TMEM131: variants seen among roughly 807,000 people sequenced by gnomAD.
TMEM131 encodes the protein 2610524E03Rik.
TMEM131 carries 66 observed loss-of-function variants against 211.6 expected under a neutral mutation model. That is an observed-to-expected ratio of 0.31 (90% CI 0.26 to 0.38). The LOEUF is 0.38. TMEM131 is among the 10% of genes least tolerant of loss of function. The pLI is 1.00. For synonymous variants in TMEM131, 844 were observed against 841.3 expected, an observed-to-expected ratio of 1.00 and a Z score of -0.06; for missense variants, 2,036 against 2,299.3, an observed-to-expected ratio of 0.89 and a Z score of 2.34.
chr2:97,772,537 C>G (rs751567038), intron 32 of TMEM131, 113 bp from the exon 33 acceptor site: 1 of 1,214,752 alleles, frequency 8.2e-7, no homozygotes, highest in Non-Finnish European at 1.1e-6. Flanking sequence ...ACATCATATA[C>G]GTAAAAACAA....
At chr2:97,787,115 A>G (rs1009748513) in intron 31 of TMEM131, among the ~76,000 whole-genome samples, 3 of 152,096 alleles carry the variant, frequency 2.0e-5, no homozygotes, top group Non-Finnish European at 2.9e-5. Flanking sequence ...ATGTGCTATG[A>G]TAATTTAAAC....
chr2:97,769,795 G>A (rs913273999), intron 33 of TMEM131, among the ~76,000 whole-genome samples: 1 of 152,322 alleles, frequency 6.6e-6, no homozygotes, highest in Admixed American at 6.5e-5. Flanking sequence ...CCATTCCTTG[G>A]CATCTCTGCC....
intron 12 of TMEM131, among the ~76,000 whole-genome samples, chr2:97,817,148 G>T (rs1014513566): frequency 6.6e-6 from 1 of 151,840 alleles, no homozygotes. Flanking sequence ...TAATGACATC[G>T]CATTTATCTC....
chr2:97,982,297 T>G (rs998089682), intron 1 of TMEM131, among the ~76,000 whole-genome samples: 1 of 152,230 alleles, frequency 6.6e-6, no homozygotes, highest in Non-Finnish European at 1.5e-5. Context: ...CATCTTTTCA[T>G]ACGTTTATTA....
At chr2:97,944,349 G>C (rs1677935216) in intron 1 of TMEM131, among the ~76,000 whole-genome samples, 2 of 152,150 alleles carry the variant, frequency 1.3e-5, no homozygotes, top group Non-Finnish European at 2.9e-5. Context: ...AAAGACCTCA[G>C]TGTAAGAGAT....
In TMEM131 at chr2:97,808,672, G is replaced by A. The variant is rs139825760; in HGVS notation, c.2055+1016C>T. On this transcript the variant is annotated intron_variant, in intron 19 of 40. Transcript: ENST00000186436. ...TAAGTGCCTGCTATTGGGAAGAAACGATCTCTCATCCGTTTCCTAGAGGAT... is the reference window on the plus strand; with the variant it reads ...TAAGTGCCTGCTATTGGGAAGAAACAATCTCTCATCCGTTTCCTAGAGGAT... 5.4e-3 allele frequency among the ~76,000 whole-genome samples: 828 copies of A among 152,222 alleles called. 5 individuals are homozygous for A. Among genetic ancestry groups the A allele is most frequent in the African/African-American group, 0.019 (769 of 41,546 alleles).
At chr2:97,896,599 C>T (rs1675621905) in intron 3 of TMEM131, among the ~76,000 whole-genome samples, 1 of 152,080 alleles carries the variant, frequency 6.6e-6, no homozygotes, top group African/African-American at 2.4e-5. Flanking sequence ...GCATTGATCC[C>T]TTTACCATTA....
chr2:97,805,972 T>G (rs1681277538), intron 19 of TMEM131, among the ~76,000 whole-genome samples: 1 of 152,228 alleles, frequency 6.6e-6, no homozygotes, highest in Non-Finnish European at 1.5e-5. Context: ...ACATTCACAC[T>G]TTCATGTTAA....
At chr2:97,922,449 A>AAAAC (rs1257141533) in intron 2 of TMEM131, among the ~76,000 whole-genome samples, 4 of 152,228 alleles carry the variant, frequency 2.6e-5, no homozygotes, top group Non-Finnish European at 5.9e-5. Flanking sequence ...CTTAACAGCA[A>AAAAC]AAAACAAGAA....
chr2:97,980,004 T>C (rs557777864), intron 1 of TMEM131, among the ~76,000 whole-genome samples: 1 of 152,300 alleles, frequency 6.6e-6, no homozygotes, highest in South Asian at 2.1e-4. Flanking sequence ...ATTTCAATAT[T>C]GTTGTCTCAG....
At chr2:97,988,155 G>A (rs2104669973) in intron 1 of TMEM131, among the ~76,000 whole-genome samples, 1 of 152,264 alleles carries the variant, frequency 6.6e-6, no homozygotes, top group African/African-American at 2.4e-5. Flanking sequence ...ATAAACCCTT[G>A]CATATATAGC....
chr2:97,922,527 T>G (rs1676786794), intron 2 of TMEM131, among the ~76,000 whole-genome samples: 2 of 152,186 alleles, frequency 1.3e-5, no homozygotes, highest in South Asian at 4.1e-4. Flanking sequence ...AATGCAACAC[T>G]ATTCAGCAAT....
intron 1 of TMEM131, among the ~76,000 whole-genome samples, chr2:97,986,874 T>A (rs1481512162): frequency 1.3e-5 from 2 of 152,258 alleles, no homozygotes; most frequent in African/African-American, 4.8e-5. Flanking sequence ...TAATAACTTT[T>A]GGAATGACAA....
intron 31 of TMEM131, among the ~76,000 whole-genome samples, chr2:97,787,823 C>T (rs1680322788): frequency 6.6e-6 from 1 of 152,114 alleles, no homozygotes; most frequent in Non-Finnish European, 1.5e-5. Context: ...CTCTGACATC[C>T]CATTTCCAAG....
intron 1 of TMEM131, among the ~76,000 whole-genome samples, chr2:97,968,697 G>A (rs1679163522): frequency 6.6e-6 from 1 of 152,170 alleles, no homozygotes; most frequent in African/African-American, 2.4e-5. Context: ...ACGAGACCTG[G>A]CAAGTTTCCT....
At chr2:97,896,250 T>C (rs544881343) in intron 3 of TMEM131, among the ~76,000 whole-genome samples, 2 of 152,330 alleles carry the variant, frequency 1.3e-5, no homozygotes, top group East Asian at 1.9e-4. Context: ...TTCTGTTATT[T>C]TGCATATGTT....
intron 35 of TMEM131, chr2:97,763,659 C>T (rs549961655): frequency 5.9e-5 from 9 of 152,698 alleles, no homozygotes; most frequent in African/African-American, 1.9e-4. Flanking sequence ...CCTCTGGCCT[C>T]GCTCCGCCCC....
intron 2 of TMEM131, among the ~76,000 whole-genome samples, chr2:97,910,336 T>C (rs1318430704): frequency 6.6e-6 from 1 of 152,050 alleles, no homozygotes; most frequent in Admixed American, 6.6e-5. Flanking sequence ...CCCAAAAAAA[T>C]TAAACATAGA....
intron 31 of TMEM131, among the ~76,000 whole-genome samples, chr2:97,780,978 C>A (rs1170159557): frequency 6.6e-6 from 1 of 152,156 alleles, no homozygotes; most frequent in Admixed American, 6.5e-5. Context: ...ACACCACTGC[C>A]CGGATGAAGC....
Sources: gnomAD v4.1 joint callset for allele counts (sites outside exome capture counted in the v4.1 genomes callset) on GRCh38, gnomAD v4.1.1 for gene constraint, MANE v1.5 for transcripts, NCBI Gene and HGNC (gene_info 2026-07-23, HGNC 2026-07-21) for gene names.